JPT1: variants seen among roughly 807,000 people sequenced by gnomAD.
JPT1 encodes the protein androgen-regulated protein 2.
A neutral mutation model predicts 17.0 loss-of-function variants in JPT1; 5 were observed. That is an observed-to-expected ratio of 0.29 (90% CI 0.15 to 0.62). The LOEUF (loss-of-function observed/expected upper bound fraction) is 0.62. Ranked by LOEUF, JPT1 falls within the 20% of genes least tolerant of loss-of-function variation. The pLI is 0.85. For synonymous variants in JPT1, 71 were observed against 73.6 expected (o/e 0.96, Z 0.18); for missense variants, 158 against 188.1 (o/e 0.84, Z 0.94).
rs2074181363 is a variant in JPT1, at chr17:75,135,788, T to G, written c.*314A>C. ...TGAGGCTTGGTAAACCCAAGTAAAGTGTTAAAAACCTCAGTACAAAAGATC... is the reference window on the plus strand; with the variant it reads ...TGAGGCTTGGTAAACCCAAGTAAAGGGTTAAAAACCTCAGTACAAAAGATC... On this transcript the variant is annotated 3_prime_UTR_variant, in exon 5 of 5. Coordinates refer to ENST00000409753, the MANE Select transcript of JPT1 (RefSeq NM_016185.4). 5.8e-6 allele frequency: 3 copies of G among 516,266 alleles called. No individual in the cohort carries two copies. Among genetic ancestry groups the G allele is most frequent in the Non-Finnish European group, 1.0e-5 (3 of 291,982 alleles). 32.0% of individuals were successfully genotyped at this position (516,266 alleles called of 1,614,324 possible). A position where few individuals can be genotyped will look rare whatever the true frequency, so the allele number is the denominator to read the frequency against.
chr17:75,137,324 T>TTTTTG (rs150613617), intron 4 of JPT1, among the ~76,000 whole-genome samples: 108 of 150,546 alleles, frequency 7.2e-4, no homozygotes, highest in African/African-American at 2.5e-3. Flanking sequence ...TTTTTAGTTT[T>TTTTTG]TTTGTTTGTT....
chr17:75,143,689 A>G lies in JPT1; in HGVS notation c.316+2977T>C, dbSNP rs540155332. Among the ~76,000 whole-genome samples the G allele has an allele frequency of 2.0e-5, 3 of 151,804 alleles. No individual in the cohort carries two copies. In the East Asian group the frequency reaches 5.8e-4, roughly 29 times the overall value. ...TGTCTCCACTAAAAATTAAAAAATT[A>G]CCTGGGCATGGTGGTGCATGCCTGT... On this transcript the variant is annotated intron_variant, in intron 4 of 4. Coordinates refer to ENST00000409753, the MANE Select transcript of JPT1 (RefSeq NM_016185.4).
At chr17:75,146,781 G>A (rs553432795) in intron 3 of JPT1, 97 bp from the exon 4 acceptor site, 13 of 749,694 alleles carry the variant, frequency 1.7e-5, no homozygotes, top group Non-Finnish European at 2.5e-5. Flanking sequence ...ACTTGAAACC[G>A]AATGTGACAT....
intron 4 of JPT1, chr17:75,142,841 G>T: frequency 2.2e-6 from 1 of 453,788 alleles, no homozygotes; most frequent in East Asian, 7.0e-5. Context: ...CAATGCAAAA[G>T]TAACTGGTCC....
chr17:75,144,118 A>T (rs1436850750), intron 4 of JPT1, among the ~76,000 whole-genome samples: 1 of 152,160 alleles, frequency 6.6e-6, no homozygotes, highest in Non-Finnish European at 1.5e-5. Flanking sequence ...ATGTGCCAGG[A>T]GGGTGGCACA....
At chr17:75,150,383 G>C (rs529998277) in intron 1 of JPT1, among the ~76,000 whole-genome samples, 1 of 152,022 alleles carries the variant, frequency 6.6e-6, no homozygotes, top group Admixed American at 6.6e-5. Flanking sequence ...CCCCTGAGTA[G>C]CTGGGATTAC....
In JPT1 at chr17:75,150,974, C is replaced by T. The variant is rs1598209168; in HGVS notation, c.57-2303G>A. ...GTTTACACCTTTCTCCTGCCTTAGC[C>T]TCTCGAGAAGCTGGGACTACAGGCG... On this transcript the variant is annotated intron_variant, in intron 1 of 4. Transcript: ENST00000409753. Among the ~76,000 whole-genome samples the T allele has an allele frequency of 2.0e-5, 3 of 150,708 alleles. 1 individual carries two copies. In the Admixed American group the frequency reaches 2.0e-4, roughly 10 times the overall value.
At chr17:75,143,657 G>A (rs577457438) in intron 4 of JPT1, among the ~76,000 whole-genome samples, 399 of 151,772 alleles carry the variant, frequency 2.6e-3, no homozygotes, top group African/African-American at 9.1e-3. Context: ...CCAACATGGC[G>A]AAACCCTGTC....
At chr17:75,137,837 G>A (rs572585566) in intron 4 of JPT1, among the ~76,000 whole-genome samples, 102 of 151,268 alleles carry the variant, frequency 6.7e-4, no homozygotes, top group Non-Finnish European at 1.1e-3. Context: ...TAGTAGAGAC[G>A]GGGTTTCGCC....
chr17:75,148,976 A>G, intron 1 of JPT1: 1 of 1,262,790 alleles, frequency 7.9e-7, no homozygotes, highest in South Asian at 1.5e-5. Flanking sequence ...GAAATGGCAA[A>G]AGATCTAATG....
intron 4 of JPT1, chr17:75,145,160 T>A (rs2074399670): frequency 3.2e-5 from 2 of 61,958 alleles, no homozygotes; most frequent in South Asian, 6.8e-4. Flanking sequence ...CCAGACTCCA[T>A]CTCAAAAAAA....
chr17:75,141,448 T>C (rs2074305657), intron 4 of JPT1: 2 of 151,736 alleles, frequency 1.3e-5, no homozygotes, highest in South Asian at 4.2e-4. Flanking sequence ...AGGTCAGGAG[T>C]TTGAGACCAG....
chr17:75,147,437 C>T, intron 3 of JPT1, 119 bp downstream of exon 3: 4 of 692,406 alleles, frequency 5.8e-6, no homozygotes, highest in Non-Finnish European at 1.0e-5. Context: ...TCAATATGGC[C>T]CAGTCCCTTT....
Position 75,148,580 on chromosome 17 carries a change from TA to T in JPT1, c.147del (p.Asn50IlefsTer47), listed in dbSNP as rs1232219857. On this transcript the variant is annotated frameshift_variant, in exon 2 of 5. Transcript: ENST00000409753. LOFTEE classifies it high-confidence loss of function. ...TTTTCTTCAGGTGTCCCAAAGATATTAGAGGCCATTTTGTTCTTCCTCACAG... is the reference window on the plus strand; with the variant it reads ...TTTTCTTCAGGTGTCCCAAAGATATTGAGGCCATTTTGTTCTTCCTCACAG... ...EQPVRKNKMA[S>X]NIFGTPEENQ... is the part of the protein sequence containing the mutation. The T allele has an allele frequency of 3.1e-6, 5 of 1,614,182 alleles. No individual in the cohort carries two copies. The highest frequency in any genetic ancestry group is 4.2e-6 in the Non-Finnish European group (5 of 1,180,040).
In JPT1 at chr17:75,148,423, G is replaced by C. The variant is rs1280340445; in HGVS notation, c.199+106C>G. 9 of 1,387,760 alleles carry C rather than the reference G, an allele frequency of 6.5e-6. No homozygotes were observed. The East Asian group carries it at 2.1e-4, about 32-fold the overall frequency. The allele number at this position is 1,387,760 out of a possible 1,614,324, so 86.0% of individuals were successfully genotyped here. ...ACTACCACCAGCTAATTTTTGTTTT[G>C]TTTTGTTTTTTAGACACGGGGGCAC... On this transcript the variant is annotated intron_variant, in intron 2 of 4. Transcript: ENST00000409753.
intron 1 of JPT1, among the ~76,000 whole-genome samples, chr17:75,150,860 T>TTTTTTGTTTTG (rs1568037404): frequency 2.1e-5 from 3 of 140,154 alleles, no homozygotes; most frequent in African/African-American, 7.7e-5. Context: ...TTTTTTTTTT[T>TTTTTTGTTTTG]TTTTTTTTTT....
Position 75,146,661 on chromosome 17 carries a change from CT to C in JPT1, c.316+4del. ...GCCAGAAATTTGGTCTTCAGAAGTA[CT>C]TACCATGAATATCACCTTCTCCCTA... is the stretch of plus-strand genomic sequence containing the variant. On this transcript the variant is annotated splice_donor_region_variant and intron_variant, in intron 4 of 4. Coordinates refer to ENST00000409753, the MANE Select transcript of JPT1 (RefSeq NM_016185.4). The C allele has an allele frequency of 6.5e-7, 1 of 1,540,592 alleles. No individual in the cohort carries two copies. The highest frequency in any genetic ancestry group is 8.8e-7 in the Non-Finnish European group (1 of 1,135,316).
At chr17:75,150,003 G>A (rs1418871748) in intron 1 of JPT1, among the ~76,000 whole-genome samples, 1 of 152,080 alleles carries the variant, frequency 6.6e-6, no homozygotes, top group African/African-American at 2.4e-5. Context: ...ATAAACATAA[G>A]TAACTACCCA....
At chr17:75,149,342 A>G (rs539941667) in intron 1 of JPT1, among the ~76,000 whole-genome samples, 50 of 152,304 alleles carry the variant, frequency 3.3e-4, no homozygotes, top group African/African-American at 1.1e-3. Flanking sequence ...GTGACAGAGC[A>G]AGACTCTGTC....
Sources: allele counts gnomAD v4.1 joint callset (sites outside exome capture counted in the v4.1 genomes callset), GRCh38; gene constraint gnomAD v4.1.1; transcripts MANE v1.5; gene names NCBI Gene and HGNC (gene_info 2026-07-23, HGNC 2026-07-21).